NELL1: variants seen among roughly 807,000 people sequenced by gnomAD.
NELL1 encodes neural EGFL like 1, also known as protein kinase C-binding protein NELL1.
A neutral mutation model predicts 107.4 loss-of-function variants in NELL1; 76 were observed. That is an observed-to-expected ratio of 0.71 (90% CI 0.59 to 0.86). The LOEUF (loss-of-function observed/expected upper bound fraction) is 0.86, where lower values mean the gene tolerates loss of function less well. Among genes scored for constraint, NELL1 ranks in the 40% least tolerant of loss-of-function variants. The pLI, the probability that NELL1 is intolerant of heterozygous loss-of-function variation, is 0.00. For missense variants in NELL1, 1,024 were observed against 1,005.5 expected, an observed-to-expected ratio of 1.02 and a Z score of -0.25; for synonymous variants, 353 against 341.2, an observed-to-expected ratio of 1.03 and a Z score of -0.38.
chr11:21,299,950 G>A (rs553211148), intron 14 of NELL1, among the ~76,000 whole-genome samples: 1 of 151,922 alleles, frequency 6.6e-6, no homozygotes, highest in Non-Finnish European at 1.5e-5. Flanking sequence ...CTCTGCTATA[G>A]GCAAAGCAGC....
chr11:20,777,076 G>A (rs1401031276), intron 2 of NELL1, among the ~76,000 whole-genome samples: 1 of 152,210 alleles, frequency 6.6e-6, no homozygotes, highest in East Asian at 1.9e-4. Flanking sequence ...TTTATATCAA[G>A]CACTGAGATC....
chr11:20,896,078 C>T (rs1849731353), intron 5 of NELL1, among the ~76,000 whole-genome samples: 1 of 151,968 alleles, frequency 6.6e-6, no homozygotes, highest in Non-Finnish European at 1.5e-5. Flanking sequence ...TTTTGGTGCA[C>T]TCATCACCCG....
At chr11:20,941,509 G>A (rs1850854844) in intron 10 of NELL1, among the ~76,000 whole-genome samples, 1 of 151,998 alleles carries the variant, frequency 6.6e-6, no homozygotes, top group Non-Finnish European at 1.5e-5. Context: ...CATAACTTGA[G>A]ATTATTACTT....
At chr11:21,352,200 A>G (rs894245010) in intron 14 of NELL1, among the ~76,000 whole-genome samples, 2 of 152,094 alleles carry the variant, frequency 1.3e-5, no homozygotes, top group Non-Finnish European at 2.9e-5. Context: ...CCCCTCTACC[A>G]ATATTTCTTA....
At chr11:20,754,148 C>CA (rs1554913832) in intron 2 of NELL1, among the ~76,000 whole-genome samples, 2 of 151,558 alleles carry the variant, frequency 1.3e-5, no homozygotes, top group African/African-American at 2.4e-5. Flanking sequence ...GTGTAGCTAC[C>CA]AAAAAAGAGG....
At chr11:21,500,459 G>A (rs1855107836) in intron 15 of NELL1, among the ~76,000 whole-genome samples, 1 of 152,076 alleles carries the variant, frequency 6.6e-6, no homozygotes, top group African/African-American at 2.4e-5. Flanking sequence ...TGCAAGATGT[G>A]AGCTTGTATT....
In NELL1 at chr11:20,715,505, G is replaced by T. The variant is rs1590228677; in HGVS notation, c.184+37445G>T. Reference sequence around the variant, plus strand: ...GATTTGAACTCAGGAGACTATGCCTGTGGAGCCTGTGGCTTAGACTCACTC... The same window carrying T: ...GATTTGAACTCAGGAGACTATGCCTTTGGAGCCTGTGGCTTAGACTCACTC... On this transcript the variant is annotated intron_variant, in intron 2 of 19. Transcript: ENST00000357134. Among the ~76,000 whole-genome samples, 5 of 152,322 alleles carry T rather than the reference G, an allele frequency of 3.3e-5. No individual in the cohort carries two copies. The East Asian group carries it at 9.6e-4, about 29-fold the overall frequency.
chr11:21,505,407 G>A (rs1855254702), intron 15 of NELL1, among the ~76,000 whole-genome samples: 1 of 152,018 alleles, frequency 6.6e-6, no homozygotes, highest in African/African-American at 2.4e-5. Flanking sequence ...AAAAAACAGT[G>A]ATTTCCCATT....
chr11:20,851,141 G>A (rs117481186), intron 4 of NELL1, among the ~76,000 whole-genome samples: 4,516 of 152,262 alleles, frequency 0.03, 86 homozygotes, highest in Middle Eastern at 0.054. Flanking sequence ...CTAAAATCGA[G>A]AAGAAATTTC....
intron 2 of NELL1, among the ~76,000 whole-genome samples, chr11:20,764,608 G>C (rs568551618): frequency 2.9e-5 from 4 of 137,084 alleles, no homozygotes; most frequent in African/African-American, 1.2e-4. Context: ...CTACACCCCA[G>C]ACCTTTTTTT....
chr11:21,057,171 A>T (rs1332381592), intron 12 of NELL1, among the ~76,000 whole-genome samples: 1 of 152,122 alleles, frequency 6.6e-6, no homozygotes, highest in African/African-American at 2.4e-5. Context: ...AATGGGGCAA[A>T]ACAAAACACA....
chr11:21,336,672 T>TACACAC (rs368167297), intron 14 of NELL1, among the ~76,000 whole-genome samples: 2,960 of 106,154 alleles, frequency 0.028, 92 homozygotes, highest in African/African-American at 0.086. Flanking sequence ...TATATATATA[T>TACACAC]ATACACACAC....
intron 14 of NELL1, among the ~76,000 whole-genome samples, chr11:21,356,142 A>G (rs1339541589): frequency 1.3e-5 from 2 of 152,056 alleles, no homozygotes; most frequent in Non-Finnish European, 2.9e-5. Context: ...TATGTCTCAC[A>G]TTTATTTTAC....
chr11:21,300,974 C>G (rs1247258894), intron 14 of NELL1, among the ~76,000 whole-genome samples: 2 of 152,070 alleles, frequency 1.3e-5, no homozygotes, highest in Non-Finnish European at 2.9e-5. Context: ...CAATTCCCAC[C>G]TATGAGTGAG....
chr11:20,785,442 A>C (rs1372159334), intron 3 of NELL1, among the ~76,000 whole-genome samples: 1 of 152,244 alleles, frequency 6.6e-6, no homozygotes, highest in East Asian at 1.9e-4. Context: ...TTGAGTGTCA[A>C]GGCAAGTCTC....
At chr11:21,161,000 T>TACACACACACACAC (rs72029062) in intron 13 of NELL1, among the ~76,000 whole-genome samples, 1 of 143,138 alleles carries the variant, frequency 7.0e-6, no homozygotes. Context: ...CTAGCCTTTA[T>TACACACACACACAC]ACACACACAC....
Position 20,681,881 on chromosome 11 carries a change from C to A in NELL1, c.184+3821C>A, listed in dbSNP as rs140099562. ...TCAGTCCAAGGTCGACTTCTGTTGTCACATTTCCTTCTCTTTGATTCTGTC... is the reference window on the plus strand; with the variant it reads ...TCAGTCCAAGGTCGACTTCTGTTGTAACATTTCCTTCTCTTTGATTCTGTC... On this transcript the variant is annotated intron_variant, in intron 2 of 19. Coordinates refer to ENST00000357134, the MANE Select transcript of NELL1 (RefSeq NM_006157.5). 7.7e-3 allele frequency among the ~76,000 whole-genome samples: 1,164 copies of A among 152,110 alleles called. 15 individuals carry two copies. Among genetic ancestry groups the A allele is most frequent in the South Asian group, 6.2e-3 (30 of 4,828 alleles).
chr11:20,758,828 C>T (rs1386659131), intron 2 of NELL1, among the ~76,000 whole-genome samples: 1 of 152,130 alleles, frequency 6.6e-6, no homozygotes, highest in Non-Finnish European at 1.5e-5. Context: ...CCCCTGGGGG[C>T]AAAACTCAGT....
At chr11:20,996,188 G>A (rs1034333516) in intron 12 of NELL1, among the ~76,000 whole-genome samples, 1 of 152,060 alleles carries the variant, frequency 6.6e-6, no homozygotes, top group African/African-American at 2.4e-5. Context: ...TGTTTGGATG[G>A]ACTCAGCTCA....
Sources: allele counts gnomAD v4.1 joint callset (sites outside exome capture counted in the v4.1 genomes callset), GRCh38; gene constraint gnomAD v4.1.1; transcripts MANE v1.5; gene names NCBI Gene and HGNC (gene_info 2026-07-23, HGNC 2026-07-21).